Variants in SPOCK3 observed in about 807,000 individuals in gnomAD.
SPOCK3 encodes the protein testican-3.
In SPOCK3, 30 loss-of-function variants were observed where a neutral mutation model predicts 56.6. The observed-to-expected ratio is 0.53, with a 90% confidence interval of 0.40 to 0.72. The LOEUF is 0.72. Among genes scored for constraint, SPOCK3 ranks in the 30% least tolerant of loss-of-function variants. SPOCK3 has a pLI of 0.00. For missense variants in SPOCK3, 527 were observed against 530.0 expected, an observed-to-expected ratio of 0.99 and a Z score of 0.06; for synonymous variants, 196 against 183.3, an observed-to-expected ratio of 1.07 and a Z score of -0.56.
At chr4:167,059,212 G>A (rs185608546) in intron 3 of SPOCK3, among the ~76,000 whole-genome samples, 3 of 152,090 alleles carry the variant, frequency 2.0e-5, no homozygotes, top group East Asian at 1.9e-4. Flanking sequence ...GAGTGAACAG[G>A]CAACCTACAA....
chr4:166,739,054 C>G (rs1734550920), intron 9 of SPOCK3, among the ~76,000 whole-genome samples: 4 of 151,946 alleles, frequency 2.6e-5, no homozygotes, highest in Admixed American at 2.6e-4. Context: ...CACTGACTTC[C>G]ACAATGGTTG....
intron 2 of SPOCK3, among the ~76,000 whole-genome samples, chr4:167,207,511 T>A (rs1366842567): frequency 6.6e-6 from 1 of 152,132 alleles, no homozygotes; most frequent in Admixed American, 6.6e-5. Flanking sequence ...TTTTAAAACA[T>A]GAATCTTTAA....
At chr4:167,082,717 T>C (rs1757818086) in intron 2 of SPOCK3, among the ~76,000 whole-genome samples, 1 of 135,674 alleles carries the variant, frequency 7.4e-6, no homozygotes, top group South Asian at 2.2e-4. Flanking sequence ...CTCAAAAGAC[T>C]GCCATGTTGG....
intron 7 of SPOCK3, among the ~76,000 whole-genome samples, chr4:166,762,872 AAAAG>A (rs1246936600): frequency 6.6e-6 from 1 of 152,164 alleles, no homozygotes; most frequent in African/African-American, 2.4e-5. Context: ...AAGAATATGA[AAAAG>A]AAAAACCAAC....
At chr4:166,816,066 A>G (rs1190938619) in intron 6 of SPOCK3, among the ~76,000 whole-genome samples, 3 of 152,254 alleles carry the variant, frequency 2.0e-5, no homozygotes, top group Non-Finnish European at 4.4e-5. Context: ...TAATTCCTCT[A>G]TTAAGATAAA....
At chr4:167,062,800 G>T (rs949144571) in intron 2 of SPOCK3, 7 of 469,388 alleles carry the variant, frequency 1.5e-5, no homozygotes, top group Admixed American at 7.7e-5. Context: ...CAAGTCAATG[G>T]TTACTATAAC....
rs143728661 is a variant in SPOCK3 at position 166,766,285 on chromosome 4, T to C, written c.710-11556A>G. Reference sequence around the variant, plus strand: ...TGTGCCAGTTTTCAAAGGGAATGCTTCCAGTTTATGTCCATTCAGTATGAT... The same window carrying C: ...TGTGCCAGTTTTCAAAGGGAATGCTCCCAGTTTATGTCCATTCAGTATGAT... On this transcript the variant is annotated intron_variant, in intron 7 of 10. Transcript: ENST00000357545. Among the ~76,000 whole-genome samples, 1,208 of 152,282 alleles carry C rather than the reference T, an allele frequency of 7.9e-3. 5 individuals are homozygous for C. The highest frequency in any genetic ancestry group is 0.014 in the Non-Finnish European group (947 of 68,008).
intron 3 of SPOCK3, among the ~76,000 whole-genome samples, chr4:167,040,965 G>A (rs1039129144): frequency 1.3e-5 from 2 of 152,176 alleles, no homozygotes; most frequent in Admixed American, 6.5e-5. Context: ...GGTAACAGCA[G>A]CTTTCTCATG....
chr4:166,852,588 A>G (rs910762961), intron 6 of SPOCK3, among the ~76,000 whole-genome samples: 2 of 152,162 alleles, frequency 1.3e-5, no homozygotes, highest in Admixed American at 6.5e-5. Flanking sequence ...CCAACCATAG[A>G]GGGATTCTGT....
intron 3 of SPOCK3, among the ~76,000 whole-genome samples, chr4:167,057,835 A>G (rs1755075321): frequency 6.6e-6 from 1 of 152,120 alleles, no homozygotes; most frequent in African/African-American, 2.4e-5. Context: ...CACAATAATA[A>G]TGGGAGCCTT....
At chr4:167,212,195 T>A (rs1376283845) in intron 2 of SPOCK3, among the ~76,000 whole-genome samples, 2 of 152,244 alleles carry the variant, frequency 1.3e-5, no homozygotes, top group Admixed American at 1.3e-4. Flanking sequence ...TTTTAGATTT[T>A]TCAGTACAGT....
chr4:167,069,325 T>C (rs1756449323), intron 2 of SPOCK3, among the ~76,000 whole-genome samples: 1 of 151,914 alleles, frequency 6.6e-6, no homozygotes, highest in African/African-American at 2.4e-5. Flanking sequence ...GGCTACCAGA[T>C]GACATCCAAA....
intron 6 of SPOCK3, among the ~76,000 whole-genome samples, chr4:166,803,536 G>A (rs936364513): frequency 3.9e-5 from 6 of 152,134 alleles, no homozygotes; most frequent in African/African-American, 1.4e-4. Context: ...CCGGGCAAAC[G>A]TCTTAAAGAT....
chr4:167,189,466 A>C lies in SPOCK3; in HGVS notation c.189+44519T>G, dbSNP rs1290982674. 1.4e-5 allele frequency among the ~76,000 whole-genome samples: 2 copies of C among 145,818 alleles called. 1 individual carries two copies. Among genetic ancestry groups the C allele is most frequent in the Non-Finnish European group, 3.0e-5 (2 of 66,858 alleles). On this transcript the variant is annotated intron_variant, in intron 2 of 10. Coordinates refer to ENST00000357545, the MANE Select transcript of SPOCK3 (RefSeq NM_001040159.2). ...TAAAGGCATTCATCAGTCCAAAAAA[A>C]ATTTATTATTTTTTTCCAGCTTTAT...
Position 166,742,076 on chromosome 4 carries a change from A to C in SPOCK3, c.932-17T>G, listed in dbSNP as rs1484090437. The C allele has an allele frequency of 6.3e-6, 10 of 1,592,824 alleles. No homozygotes were observed. The Admixed American group carries it at 1.5e-4, about 24-fold the overall frequency. On this transcript the variant is annotated splice_polypyrimidine_tract_variant and intron_variant, in intron 8 of 10. Transcript: ENST00000357545. ...AAGGTGGGTCTGCAATGACATTAAA[A>C]ATGTTACTTCAAGGATTCTAGTTAA...
At chr4:167,198,282 T>G (rs1733164963) in intron 2 of SPOCK3, among the ~76,000 whole-genome samples, 1 of 152,160 alleles carries the variant, frequency 6.6e-6, no homozygotes, top group South Asian at 2.1e-4. Context: ...TGGAGGTTCC[T>G]GTCACAACCC....
chr4:166,843,048 C>T (rs1164056767), intron 6 of SPOCK3, among the ~76,000 whole-genome samples: 1 of 152,220 alleles, frequency 6.6e-6, no homozygotes, highest in Non-Finnish European at 1.5e-5. Context: ...CTGGCGCACC[C>T]TCCGCAGCTG....
At position 167,205,201 on chromosome 4, in the gene SPOCK3, ATATATAT is replaced by A. The variant is rs1484822053; in HGVS notation, c.189+28777_189+28783del. ...ATATTATAGATATTTTATATCTATA[ATATATAT>A]TATATATTATATATTTTATATCTAT... On this transcript the variant is annotated intron_variant, in intron 2 of 10. Transcript: ENST00000357545. Among the ~76,000 whole-genome samples, 104 of 96,500 alleles carry A rather than the reference ATATATAT, an allele frequency of 1.1e-3. 3 individuals carry two copies. The South Asian group carries it at 0.024, about 22-fold the overall frequency. The allele number at this position is 96,500 out of a possible 152,430, so 63.3% of individuals were successfully genotyped here.
At chr4:166,817,332 C>A (rs1357129986) in intron 6 of SPOCK3, among the ~76,000 whole-genome samples, 1 of 152,062 alleles carries the variant, frequency 6.6e-6, no homozygotes, top group Non-Finnish European at 1.5e-5. Flanking sequence ...CATAAGCAAA[C>A]CTTTTTACTC....
Sources: gnomAD v4.1 joint callset for allele counts (sites outside exome capture counted in the v4.1 genomes callset) on GRCh38, gnomAD v4.1.1 for gene constraint, MANE v1.5 for transcripts, NCBI Gene and HGNC (gene_info 2026-07-23, HGNC 2026-07-21) for gene names.